The following SULF2 variants were observed in gnomAD, a reference collection of about 807,000 sequenced individuals.
SULF2 encodes sulfatase 2, also known as extracellular sulfatase Sulf-2.
SULF2 carries 52 observed loss-of-function variants against 107.7 expected under a neutral mutation model. That is an observed-to-expected ratio of 0.48 (90% confidence interval 0.39 to 0.61). The LOEUF is 0.61. Ranked by LOEUF, SULF2 falls within the 20% of genes least tolerant of loss-of-function variation. The pLI is 0.00. For missense variants in SULF2, 993 were observed against 1,177.3 expected, an observed-to-expected ratio of 0.84 and a Z score of 2.29; for synonymous variants, 460 against 464.3, an observed-to-expected ratio of 0.99 and a Z score of 0.12.
chr20:47,786,070 C>T (rs1298284145), upstream of SULF2: 2 of 152,220 alleles, frequency 1.3e-5, no homozygotes, highest in African/African-American at 2.4e-5. Context: ...CGCTCCTGCT[C>T]GCCCTCGGCG....
chr20:47,746,990 A>ATATAT (rs1178807850), intron 2 of SULF2, among the ~76,000 whole-genome samples: 6 of 64,846 alleles, frequency 9.3e-5, no homozygotes, highest in African/African-American at 1.7e-4. Flanking sequence ...AATAAAAAAA[A>ATATAT]AAAAATATAT....
At chr20:47,762,701 CA>C (rs1253440294) in intron 1 of SULF2, among the ~76,000 whole-genome samples, 3 of 152,202 alleles carry the variant, frequency 2.0e-5, no homozygotes, top group African/African-American at 7.2e-5. Flanking sequence ...TGCCAGGGTA[CA>C]GGGGGGCTGG....
intron 1 of SULF2, among the ~76,000 whole-genome samples, chr20:47,766,248 T>C (rs1223894287): frequency 2.0e-5 from 3 of 152,226 alleles, no homozygotes; most frequent in Non-Finnish European, 4.4e-5. Context: ...TCTCTCCTCC[T>C]CTTTGGGGCC....
intron 2 of SULF2, among the ~76,000 whole-genome samples, chr20:47,752,162 A>C (rs1379460190): frequency 6.6e-6 from 1 of 152,246 alleles, no homozygotes; most frequent in Non-Finnish European, 1.5e-5. Context: ...GACAAACAAC[A>C]CTGTGGCATT....
At chr20:47,748,732 C>T (rs2090100941) in intron 2 of SULF2, among the ~76,000 whole-genome samples, 1 of 152,108 alleles carries the variant, frequency 6.6e-6, no homozygotes, top group African/African-American at 2.4e-5. Flanking sequence ...TGGACAGATT[C>T]CTCCACCTTC....
chr20:47,775,110 T>C (rs2090701438), intron 1 of SULF2, among the ~76,000 whole-genome samples: 1 of 152,192 alleles, frequency 6.6e-6, no homozygotes, highest in Non-Finnish European at 1.5e-5. Flanking sequence ...CCACACTGCC[T>C]GGTATTCAAA....
chr20:47,784,823 TGGGA>T (rs1426128943), intron 1 of SULF2, among the ~76,000 whole-genome samples: 2 of 152,208 alleles, frequency 1.3e-5, no homozygotes, highest in African/African-American at 4.8e-5. Context: ...TGCCCTGGCC[TGGGA>T]GGAAGTCTGC....
At chr20:47,703,977 T>C (rs1486213498) in intron 3 of SULF2, among the ~76,000 whole-genome samples, 2 of 152,196 alleles carry the variant, frequency 1.3e-5, no homozygotes, top group Non-Finnish European at 2.9e-5. Flanking sequence ...TCTATGATGT[T>C]AGAATAAAAA....
At chr20:47,726,557 C>G (rs1425150416) in intron 3 of SULF2, among the ~76,000 whole-genome samples, 1 of 152,198 alleles carries the variant, frequency 6.6e-6, no homozygotes, top group African/African-American at 2.4e-5. Flanking sequence ...GAAACATTCT[C>G]TATGTGCATT....
intron 3 of SULF2, among the ~76,000 whole-genome samples, chr20:47,722,048 G>T (rs985164119): frequency 3.5e-4 from 54 of 152,264 alleles, no homozygotes; most frequent in African/African-American, 1.3e-3. Flanking sequence ...CACAAAGAGG[G>T]AACCTTCCTA....
chr20:47,772,542 G>C (rs1433734209), intron 1 of SULF2, among the ~76,000 whole-genome samples: 2 of 152,182 alleles, frequency 1.3e-5, no homozygotes, highest in Non-Finnish European at 2.9e-5. Flanking sequence ...AGGAGTTCAC[G>C]CGATTCCCTC....
At chr20:47,669,588 G>C (rs754270284) in intron 11 of SULF2, among the ~76,000 whole-genome samples, 1 of 151,832 alleles carries the variant, frequency 6.6e-6, no homozygotes, top group Non-Finnish European at 1.5e-5. Context: ...AGAGTGTCTT[G>C]TCGGAGACTC....
intron 3 of SULF2, among the ~76,000 whole-genome samples, chr20:47,725,511 A>G (rs1043056334): frequency 3.3e-5 from 5 of 152,266 alleles, no homozygotes; most frequent in African/African-American, 1.2e-4. Context: ...ATCCTTCACC[A>G]TCACCGGCAA....
At chr20:47,693,284 G>GTTGAC (rs1168371322) in intron 4 of SULF2, among the ~76,000 whole-genome samples, 1 of 152,162 alleles carries the variant, frequency 6.6e-6, no homozygotes, top group African/African-American at 2.4e-5. Context: ...AACAGTCAGG[G>GTTGAC]CCTGAAGGGG....
intron 1 of SULF2, among the ~76,000 whole-genome samples, chr20:47,763,648 C>T (rs780289444): frequency 4.6e-5 from 7 of 152,232 alleles, no homozygotes; most frequent in Non-Finnish European, 5.9e-5. Context: ...ACAGACCTAG[C>T]GGCCTCCCCA....
At chr20:47,704,611 A>G (rs1256420699) in intron 3 of SULF2, among the ~76,000 whole-genome samples, 2 of 152,244 alleles carry the variant, frequency 1.3e-5, no homozygotes, top group African/African-American at 4.8e-5. Flanking sequence ...CTATAAAGCC[A>G]TATTTAAGAA....
At chr20:47,771,139 A>C (rs2090622342) in intron 1 of SULF2, among the ~76,000 whole-genome samples, 1 of 152,126 alleles carries the variant, frequency 6.6e-6, no homozygotes, top group Non-Finnish European at 1.5e-5. Context: ...CCCTCCTAGG[A>C]AGTGAAACCC....
rs200339548 is a variant in SULF2 at position 47,731,183 on chromosome 20, T to TTCTCTC, written c.415+5519_415+5520insGAGAGA. ...ACTCTGCCTGCTACTCACCTGTATC[T>TTCTCTC]TCTCTTTTTTTTTTTTTTTTTTTTT... On this transcript the variant is annotated intron_variant, in intron 3 of 20. Coordinates refer to ENST00000688720, the MANE Select transcript of SULF2 (RefSeq NM_001387048.1). 1.8e-3 allele frequency among the ~76,000 whole-genome samples: 206 copies of TTCTCTC among 112,446 alleles called. 8 individuals carry two copies. Among genetic ancestry groups the TTCTCTC allele is most frequent in the African/African-American group, 7.1e-3 (185 of 25,982 alleles). 73.8% of individuals were successfully genotyped at this position (112,446 alleles called of 152,430 possible). A position where few individuals can be genotyped will look rare whatever the true frequency, so the allele number is the denominator to read the frequency against.
In SULF2 at chr20:47,677,134, C is replaced by T; in HGVS notation, c.1194G>A (p.Arg398=). ...KLLDTERPVN[R]FHLKKKMRVW... ...CCCTCATCTTCTTTTTCAAGTGAAA[C>T]CTGGAAAAAAGCACGGCTCCTGCTT... The change falls in exon 9 of 21, where the codon CGG becomes CGA. Residue 398 remains arginine, a splice_region_variant and synonymous_variant. Transcript: ENST00000688720. 1.2e-6 allele frequency: 2 copies of T among 1,613,422 alleles called. No individual in the cohort carries two copies. Among genetic ancestry groups the T allele is most frequent in the South Asian group, 1.1e-5 (1 of 91,052 alleles).
Sources: allele counts gnomAD v4.1 joint callset (sites outside exome capture counted in the v4.1 genomes callset), GRCh38; gene constraint gnomAD v4.1.1; transcripts MANE v1.5; gene names NCBI Gene and HGNC (gene_info 2026-07-23, HGNC 2026-07-21).